TUT7: variants seen among roughly 807,000 people sequenced by gnomAD.
TUT7 encodes terminal uridylyltransferase 7.
In TUT7, 33 loss-of-function variants were observed where a neutral mutation model predicts 165.9. The ratio of observed to expected loss-of-function variants is 0.20; its 90% CI spans 0.15 to 0.27. The LOEUF (loss-of-function observed/expected upper bound fraction) is 0.27. Ranked by LOEUF, TUT7 falls within the 10% of genes least tolerant of loss-of-function variation. The pLI is 1.00. For synonymous variants in TUT7, 552 were observed against 608.1 expected (o/e 0.91, Z 1.36); for missense variants, 1,338 against 1,762.3 (o/e 0.76, Z 4.31).
rs1829478974 is a variant in TUT7 at position 86,323,198 on chromosome 9, T to C, written c.2552A>G (p.Asp851Gly). 6.2e-7 allele frequency: 1 copy of C among 1,614,138 alleles called. No homozygotes were observed. The highest frequency in any genetic ancestry group is 8.5e-7 in the Non-Finnish European group (1 of 1,180,020). Residue 851 changes from aspartate (D) to glycine (G), a missense_variant, in exon 13 of 27, where the codon GAC becomes GGC. Around this residue, in one of 7 missense-constraint regions of TUT7, gnomAD observed 425 missense variants for 474.9 expected, o/e 0.89. Transcript: ENST00000375963. ...MIPSDEEEED[D>G]EEEEEEEEPR... ...TTCTTCTTCCTCCTCCTCTTCTTCG[T>C]CGTCCTCCTCCTCTTCATCAGAGGG...
Position 86,345,087 on chromosome 9 carries a change from C to G in TUT7, c.887G>C (p.Gly296Ala), listed in dbSNP as rs763753780. Residue 296 changes from glycine to alanine, a missense_variant, in exon 5 of 27, where the codon GGC becomes GCC. This residue lies in a region of TUT7 where 434 missense variants were observed against 480.8 expected (regional missense o/e 0.90). Transcript: ENST00000375963. Reference sequence around the variant, plus strand: ...CTGTACCACTTTGTCAATGGCAATGCCAACTGCATTTATCTGGGAGGGTGT... The same window carrying G: ...CTGTACCACTTTGTCAATGGCAATGGCAACTGCATTTATCTGGGAGGGTGT... ...PPTPSQINAV[G>A]IAIDKVVQEF... 6.2e-7 allele frequency: 1 copy of G among 1,613,712 alleles called. No homozygotes were observed. The highest frequency in any genetic ancestry group is 8.5e-7 in the Non-Finnish European group (1 of 1,179,826).
At chr9:86,321,545 G>A (rs1191843619) in intron 14 of TUT7, among the ~76,000 whole-genome samples, 2 of 151,998 alleles carry the variant, frequency 1.3e-5, no homozygotes, top group African/African-American at 4.8e-5. Flanking sequence ...CCTGGCCAAC[G>A]TGGTGAAACC....
At chr9:86,341,983 G>A (rs1054363035) in intron 6 of TUT7, among the ~76,000 whole-genome samples, 1 of 152,120 alleles carries the variant, frequency 6.6e-6, no homozygotes, top group Non-Finnish European at 1.5e-5. Flanking sequence ...ATACAAATGG[G>A]ATGAGTGAAT....
At chr9:86,290,686 CAAAA>C (rs749800073) in intron 26 of TUT7, among the ~76,000 whole-genome samples, 4 of 54,758 alleles carry the variant, frequency 7.3e-5, no homozygotes, top group Admixed American at 2.1e-4. Flanking sequence ...TACTAAAATA[CAAAA>C]AAAAAAAAAA....
chr9:86,305,855 T>G (rs1363038290), intron 22 of TUT7, among the ~76,000 whole-genome samples: 1 of 152,146 alleles, frequency 6.6e-6, no homozygotes, highest in African/African-American at 2.4e-5. Flanking sequence ...TCTCATTTGA[T>G]CTTACATGTC....
intron 14 of TUT7, among the ~76,000 whole-genome samples, chr9:86,321,736 C>A (rs1443603108): frequency 6.6e-6 from 1 of 151,916 alleles, no homozygotes; most frequent in East Asian, 1.9e-4. Flanking sequence ...CTCACCATCA[C>A]CCTCCAAAAA....
At chr9:86,294,615 A>C (rs1000381661) in intron 26 of TUT7, among the ~76,000 whole-genome samples, 1 of 151,902 alleles carries the variant, frequency 6.6e-6, no homozygotes, top group African/African-American at 2.4e-5. Context: ...GAAAAGGAAC[A>C]GTTTCATTCA....
chr9:86,312,157 T>A (rs1038078023), intron 17 of TUT7, among the ~76,000 whole-genome samples: 11 of 137,776 alleles, frequency 8.0e-5, no homozygotes, highest in African/African-American at 3.1e-4. Flanking sequence ...CCGGCCACCA[T>A]CCCATCTAGG....
At chr9:86,321,132 C>G (rs1438281527) in intron 14 of TUT7, among the ~76,000 whole-genome samples, 1 of 151,536 alleles carries the variant, frequency 6.6e-6, no homozygotes, top group Admixed American at 6.6e-5. Context: ...GCGAGCGGAT[C>G]ACTGGAGGTC....
At chr9:86,305,374 G>T in intron 22 of TUT7, 135 bp from the exon 23 acceptor site, 1 of 619,248 alleles carries the variant, frequency 1.6e-6, no homozygotes, top group Non-Finnish European at 2.7e-6. Context: ...AAATTCACAT[G>T]ATAGAAAAGA....
chr9:86,344,591 T>TC (rs1831593973), intron 5 of TUT7, among the ~76,000 whole-genome samples: 1 of 151,224 alleles, frequency 6.6e-6, no homozygotes, highest in African/African-American at 2.4e-5. Flanking sequence ...ATAAAATCTT[T>TC]TTTTTTTTTT....
At chr9:86,318,855 T>C in intron 16 of TUT7, 103 bp downstream of exon 16, 1 of 792,696 alleles carries the variant, frequency 1.3e-6, no homozygotes, top group Non-Finnish European at 2.1e-6. Flanking sequence ...ACACTCTATA[T>C]GGTATGCCCT....
chr9:86,327,738 G>C (rs1829923523), intron 11 of TUT7, among the ~76,000 whole-genome samples: 1 of 152,184 alleles, frequency 6.6e-6, no homozygotes, highest in Admixed American at 6.5e-5. Flanking sequence ...AACTGGAGGA[G>C]TGACATGACT....
chr9:86,345,536 T>C (rs1384914254), intron 4 of TUT7, 133 bp downstream of exon 4: 1 of 685,970 alleles, frequency 1.5e-6, no homozygotes, highest in Non-Finnish European at 2.5e-6. Context: ...TTATGTATTT[T>C]GGCTCAAATA....
rs549245446 is a variant in TUT7 at position 86,311,109 on chromosome 9, G to A, written c.3275-300C>T. 2.6e-5 allele frequency among the ~76,000 whole-genome samples: 4 copies of A among 152,304 alleles called. No homozygotes were observed. The highest frequency in any genetic ancestry group is 9.6e-5 in the African/African-American group (4 of 41,562). Reference sequence around the variant, plus strand: ...ATGTGTGTATATGCATGTGTATGTCGTTGTCACTAAGACAAATACCAAACA... The same window carrying A: ...ATGTGTGTATATGCATGTGTATGTCATTGTCACTAAGACAAATACCAAACA... On this transcript the variant is annotated intron_variant, in intron 17 of 26. Coordinates refer to ENST00000375963, the MANE Select transcript of TUT7 (RefSeq NM_024617.4). This position sits in a 1 kb window ranked among gnomAD's most constrained non-coding sequence, Gnocchi z 4.4.
At chr9:86,317,077 A>AT (rs35842173) in intron 17 of TUT7, 142 bp downstream of exon 17, 153,607 of 648,406 alleles carry the variant, frequency 0.24, 19,492 homozygotes, top group East Asian at 0.51. Flanking sequence ...GCATCTAAGG[A>AT]TTTTTTTTAT....
chr9:86,337,774 T>C (rs895422037), intron 9 of TUT7, among the ~76,000 whole-genome samples: 2 of 152,372 alleles, frequency 1.3e-5, no homozygotes, highest in East Asian at 3.8e-4. Context: ...CCATACTCAC[T>C]TGTGGATGGC....
chr9:86,352,447 T>C (rs941969476), intron 2 of TUT7: 13 of 597,024 alleles, frequency 2.2e-5, no homozygotes, highest in African/African-American at 1.9e-4. Context: ...TGACGTAAAG[T>C]GAGCCCTGGG....
chr9:86,312,060 A>G (rs1357554850), intron 17 of TUT7, among the ~76,000 whole-genome samples: 3 of 151,902 alleles, frequency 2.0e-5, no homozygotes, highest in African/African-American at 7.3e-5. Context: ...GGAAGTGAGG[A>G]GCATCTGTGC....
Sources: allele counts gnomAD v4.1 joint callset (sites outside exome capture counted in the v4.1 genomes callset), GRCh38; gene constraint gnomAD v4.1.1; regional missense constraint gnomAD v4.1.1; non-coding constraint Gnocchi (gnomAD v3.1); transcripts MANE v1.5; gene names NCBI Gene and HGNC (gene_info 2026-07-23, HGNC 2026-07-21).